The following FOXP1 variants were observed in gnomAD, a reference collection of about 807,000 sequenced individuals.
The protein encoded by FOXP1 is forkhead box P1, also known as forkhead box protein P1.
A neutral mutation model predicts 98.2 loss-of-function variants in FOXP1; 15 were observed. The ratio of observed to expected loss-of-function variants is 0.15; its 90% CI spans 0.10 to 0.24. The LOEUF (loss-of-function observed/expected upper bound fraction) is 0.24. Among genes scored for constraint, FOXP1 ranks in the 10% least tolerant of loss-of-function variants. The pLI, the probability that FOXP1 is intolerant of heterozygous loss-of-function variation, is 1.00. For missense variants in FOXP1, 633 were observed against 848.5 expected (o/e 0.75, Z 3.15); for synonymous variants, 371 against 314.5 (o/e 1.18, Z -1.90).
chr3:71,498,363 A>G (rs1389318502), intron 2 of FOXP1, among the ~76,000 whole-genome samples: 1 of 152,158 alleles, frequency 6.6e-6, no homozygotes. Context: ...TGAGGCCGGG[A>G]CCTAGCAATC....
At chr3:71,288,690 G>A (rs897538717) in intron 5 of FOXP1, among the ~76,000 whole-genome samples, 2 of 152,166 alleles carry the variant, frequency 1.3e-5, no homozygotes, top group African/African-American at 4.8e-5. Flanking sequence ...AAAATGCCCA[G>A]GATTCCTTTT....
chr3:71,107,434 T>G (rs1031077478), intron 7 of FOXP1, among the ~76,000 whole-genome samples: 5 of 152,086 alleles, frequency 3.3e-5, no homozygotes, highest in African/African-American at 1.2e-4. Context: ...GCTTAAGAAC[T>G]ATTTCTAAAA....
intron 4 of FOXP1, among the ~76,000 whole-genome samples, chr3:71,322,778 CAG>C (rs1233374929): frequency 4.6e-5 from 7 of 152,134 alleles, no homozygotes; most frequent in Non-Finnish European, 2.9e-5. Context: ...CTGTGGAAAA[CAG>C]AGATGCGGAT....
intron 2 of FOXP1, among the ~76,000 whole-genome samples, chr3:71,544,629 T>C (rs1011681391): frequency 6.6e-6 from 1 of 152,200 alleles, no homozygotes; most frequent in Non-Finnish European, 1.5e-5. Flanking sequence ...CACTCCATTT[T>C]ATATGTGGGG....
chr3:71,304,286 A>G (rs2074093294), intron 4 of FOXP1, among the ~76,000 whole-genome samples: 2 of 152,344 alleles, frequency 1.3e-5, no homozygotes, highest in South Asian at 4.1e-4. Flanking sequence ...ACAGAAAAGG[A>G]AAACCCTGGC....
chr3:71,067,729 A>AACACACACACACACAC (rs1257302897), intron 7 of FOXP1, among the ~76,000 whole-genome samples: 2 of 11,190 alleles, frequency 1.8e-4, no homozygotes, highest in Non-Finnish European at 6.2e-4. Flanking sequence ...CGTCTCCAAA[A>AACACACACACACACAC]ATACACACAC....
At chr3:71,547,063 T>C (rs2045420351) in intron 2 of FOXP1, among the ~76,000 whole-genome samples, 1 of 152,204 alleles carries the variant, frequency 6.6e-6, no homozygotes, top group Non-Finnish European at 1.5e-5. Context: ...CTAACACAAC[T>C]GTCACTGCTG....
chr3:71,446,275 G>T (rs751639945), intron 3 of FOXP1, among the ~76,000 whole-genome samples: 7 of 152,016 alleles, frequency 4.6e-5, no homozygotes, highest in African/African-American at 1.7e-4. Flanking sequence ...ATTCAGGCTC[G>T]GGCACAGTGG....
chr3:71,299,094 A>G (rs2073620544), intron 5 of FOXP1, among the ~76,000 whole-genome samples: 1 of 152,242 alleles, frequency 6.6e-6, no homozygotes, highest in Non-Finnish European at 1.5e-5. Flanking sequence ...TCAGAGAGGT[A>G]CTTTTGAAAT....
At chr3:71,511,937 C>T (rs1408226465) in intron 2 of FOXP1, among the ~76,000 whole-genome samples, 2 of 152,138 alleles carry the variant, frequency 1.3e-5, no homozygotes, top group African/African-American at 4.8e-5. Flanking sequence ...TGGCCTAAGG[C>T]TCAGGTAGGA....
At chr3:71,513,269 C>T (rs967311871) in intron 2 of FOXP1, among the ~76,000 whole-genome samples, 1 of 152,182 alleles carries the variant, frequency 6.6e-6, no homozygotes, top group Non-Finnish European at 1.5e-5. Flanking sequence ...CACAACTTGT[C>T]CTTCCCAATC....
intron 4 of FOXP1, among the ~76,000 whole-genome samples, chr3:71,355,820 G>A (rs2078114370): frequency 6.6e-6 from 1 of 152,138 alleles, no homozygotes; most frequent in South Asian, 2.1e-4. Context: ...TATAGGTGGT[G>A]TGACTCTTAC....
At chr3:71,174,590 C>T (rs969996917) in intron 6 of FOXP1, among the ~76,000 whole-genome samples, 1 of 151,960 alleles carries the variant, frequency 6.6e-6, no homozygotes, top group East Asian at 1.9e-4. Context: ...CACATCATAC[C>T]CCACAAGACT....
intron 3 of FOXP1, among the ~76,000 whole-genome samples, chr3:71,380,783 G>A (rs1417587132): frequency 7.9e-6 from 1 of 126,262 alleles, no homozygotes; most frequent in African/African-American, 3.1e-5. Flanking sequence ...CATCTCTTCT[G>A]TGGCCTTTCA....
At chr3:71,471,391 AG>A (rs2089331644) in intron 3 of FOXP1, among the ~76,000 whole-genome samples, 1 of 152,120 alleles carries the variant, frequency 6.6e-6, no homozygotes, top group South Asian at 2.1e-4. Context: ...GAAATAACTG[AG>A]GTTTGTCAAT....
At chr3:71,232,977 C>CTAA (rs1313604575) in intron 5 of FOXP1, among the ~76,000 whole-genome samples, 14 of 148,906 alleles carry the variant, frequency 9.4e-5, no homozygotes, top group Non-Finnish European at 2.1e-4. Context: ...ACTACTACTA[C>CTAA]TACTACTAAT....
At chr3:71,099,523 A>G (rs185059866) in intron 7 of FOXP1, among the ~76,000 whole-genome samples, 10 of 152,178 alleles carry the variant, frequency 6.6e-5, no homozygotes, top group African/African-American at 1.9e-4. Flanking sequence ...ACAAAGCAAA[A>G]CAAAACAAAA....
At chr3:71,482,708 C>A (rs970135408) in intron 3 of FOXP1, among the ~76,000 whole-genome samples, 8 of 152,128 alleles carry the variant, frequency 5.3e-5, no homozygotes, top group Admixed American at 3.9e-4. Context: ...CCTAATAATA[C>A]ATAACTTTAA....
intron 2 of FOXP1, among the ~76,000 whole-genome samples, chr3:71,562,686 C>T (rs1037763442): frequency 6.6e-6 from 1 of 152,062 alleles, no homozygotes; most frequent in Non-Finnish European, 1.5e-5. Flanking sequence ...AGAAATTGAC[C>T]CAAGGTCACC....
Sources: gnomAD v4.1 joint callset for allele counts (sites outside exome capture counted in the v4.1 genomes callset) on GRCh38, gnomAD v4.1.1 for gene constraint, MANE v1.5 for transcripts, NCBI Gene and HGNC (gene_info 2026-07-23, HGNC 2026-07-21) for gene names.